Variants in PLEK observed in about 807,000 individuals in gnomAD.
PLEK encodes platelet 47 kDa protein.
A neutral mutation model predicts 43.9 loss-of-function variants in PLEK; 25 were observed. The observed-to-expected ratio is 0.57, with a 90% CI of 0.41 to 0.79. The LOEUF (loss-of-function observed/expected upper bound fraction) is 0.79. Among genes scored for constraint, PLEK ranks in the 30% least tolerant of loss-of-function variants. The pLI, the probability that PLEK is intolerant of heterozygous loss-of-function variation, is 0.00. For missense variants in PLEK, 396 were observed against 413.3 expected, an observed-to-expected ratio of 0.96 and a Z score of 0.36; for synonymous variants, 152 against 144.4, an observed-to-expected ratio of 1.05 and a Z score of -0.38.
At chr2:68,395,642 T>G (rs768051165) in intron 8 of PLEK, 38 bp from the exon 9 acceptor site, 102 of 1,613,166 alleles carry the variant, frequency 6.3e-5, no homozygotes, top group Non-Finnish European at 7.9e-5. Flanking sequence ...GTCTTTCTGA[T>G]GCCTGTGCGT....
intron 4 of PLEK, among the ~76,000 whole-genome samples, chr2:68,383,177 G>C (rs1376308583): frequency 6.6e-6 from 1 of 152,182 alleles, no homozygotes; most frequent in Non-Finnish European, 1.5e-5. Context: ...TAGCCTCTCT[G>C]TGCTTCACTT....
At position 68,382,577 on chromosome 2, in the gene PLEK, G is replaced by A. The variant is rs1391323712; in HGVS notation, c.416G>A (p.Gly139Glu). Residue 139 changes from glycine (G) to glutamate (E), a missense_variant, in exon 4 of 9, where the codon GGA becomes GAA. Transcript: ENST00000234313. The part of the protein sequence containing the change: ...LYLSMKDTEK[G>E]IKELNLEKDK... ...TTGTCCATGAAAGACACTGAAAAAG[G>A]AATAAAAGAACTGAATCTAGAGAAG... The A allele has an allele frequency of 6.2e-7, 1 of 1,602,964 alleles. No homozygotes were observed. The highest frequency in any genetic ancestry group is 1.7e-5 in the Admixed American group (1 of 59,980).
rs751425116 is a variant in PLEK, at chr2:68,382,545, C to T, written c.384C>T (p.Ala128=). 3.2e-6 allele frequency: 5 copies of T among 1,564,744 alleles called. No individual in the cohort carries two copies. The highest frequency in any genetic ancestry group is 4.4e-6 in the Non-Finnish European group (5 of 1,136,102). The change falls in exon 4 of 9, where the codon GCC becomes GCT. Residue 128 remains alanine (A), a synonymous_variant. Transcript: ENST00000234313. The stretch of plus-strand genomic sequence containing the variant: ...TTGCTTTTTTATCTCTGTGCAGTGC[C>T]TTATATTTGTCCATGAAAGACACTG... ...IRLPETIDLG[A]LYLSMKDTEK...
rs552075183 is a variant in PLEK, at chr2:68,392,177, T to C, written c.763-985T>C. 8.6e-4 allele frequency among the ~76,000 whole-genome samples: 126 copies of C among 147,100 alleles called. 4 individuals carry two copies. The South Asian group carries it at 0.021, about 24-fold the overall frequency. On this transcript the variant is annotated intron_variant, in intron 6 of 8. Coordinates refer to ENST00000234313, the MANE Select transcript of PLEK (RefSeq NM_002664.3). ...CTCCCCCTTTTCTCCTCCTCCTCCTTCTTCTTCTTCTTCTTTCTCCTCCTC... is the reference window on the plus strand; with the variant it reads ...CTCCCCCTTTTCTCCTCCTCCTCCTCCTTCTTCTTCTTCTTTCTCCTCCTC...
chr2:68,388,411 GA>G lies in PLEK; in HGVS notation c.683del (p.Glu228GlyfsTer8). On this transcript the variant is annotated frameshift_variant, in exon 6 of 9. Transcript: ENST00000234313. LOFTEE classifies it high-confidence loss of function. ...GCCAGACAGTGGGTTCTTCTGTGAA[GA>G]GAATTCCAGTGATGATGATGTGATT... is the stretch of plus-strand genomic sequence containing the variant. ...YFPDSGFFCEENSSDDDVILK... is the reference protein window; with the variant it reads ...YFPDSGFFCEXNSSDDDVILK... The G allele has an allele frequency of 6.2e-7, 1 of 1,609,778 alleles. No individual in the cohort carries two copies. The highest frequency in any genetic ancestry group is 8.5e-7 in the Non-Finnish European group (1 of 1,175,996).
At chr2:68,367,214 G>A (rs1673293369) in intron 1 of PLEK, among the ~76,000 whole-genome samples, 1 of 150,964 alleles carries the variant, frequency 6.6e-6, no homozygotes, top group Admixed American at 6.6e-5. Context: ...TTTTTCTCTG[G>A]GACCTTTTGA....
At chr2:68,383,106 C>T (rs1002544634) in intron 4 of PLEK, among the ~76,000 whole-genome samples, 32 of 152,156 alleles carry the variant, frequency 2.1e-4, no homozygotes, top group African/African-American at 7.0e-4. Flanking sequence ...TAGAGCCAGA[C>T]CACCTTGGTT....
In PLEK at chr2:68,365,555, G is replaced by A. The variant is rs891004756; in HGVS notation, c.42+162G>A. ...CACATAGAATGTTGGAGTGGGGTTA[G>A]GGGAGTGGGGATACTCATCCAGCCC... is the stretch of plus-strand genomic sequence containing the variant. On this transcript the variant is annotated intron_variant, in intron 1 of 8. Coordinates refer to ENST00000234313, the MANE Select transcript of PLEK (RefSeq NM_002664.3). The A allele has an allele frequency of 1.8e-5, 11 of 605,282 alleles. No individual in the cohort carries two copies. In the African/African-American group the frequency reaches 2.0e-4, roughly 11 times the overall value. The allele number at this position is 605,282 out of a possible 1,614,324, so 37.5% of individuals were successfully genotyped here.
intron 1 of PLEK, among the ~76,000 whole-genome samples, chr2:68,376,137 G>A (rs1207630067): frequency 6.6e-6 from 1 of 152,116 alleles, no homozygotes; most frequent in Non-Finnish European, 1.5e-5. Flanking sequence ...TTTGTCTATG[G>A]GAGACACGGC....
chr2:68,393,033 T>C (rs1673890722), intron 6 of PLEK, 129 bp from the exon 7 acceptor site: 1 of 725,846 alleles, frequency 1.4e-6, no homozygotes, highest in Non-Finnish European at 2.5e-6. Flanking sequence ...GATATTGTTA[T>C]CCTGGAGTTA....
chr2:68,368,256 A>AG (rs1490040839), intron 1 of PLEK, among the ~76,000 whole-genome samples: 3 of 152,200 alleles, frequency 2.0e-5, no homozygotes, highest in African/African-American at 4.8e-5. Flanking sequence ...CTTTCACCTT[A>AG]CTTTTTTGTT....
At chr2:68,393,398 T>C (rs1171394370) in intron 7 of PLEK, among the ~76,000 whole-genome samples, 153 bp downstream of exon 7, 3 of 152,128 alleles carry the variant, frequency 2.0e-5, no homozygotes, top group Admixed American at 6.6e-5. Flanking sequence ...CCTTTTTCTA[T>C]CCCCTTTCAA....
intron 1 of PLEK, among the ~76,000 whole-genome samples, chr2:68,372,040 G>A (rs1285888963): frequency 6.6e-6 from 1 of 152,142 alleles, no homozygotes; most frequent in East Asian, 1.9e-4. Context: ...AAAATTGGGA[G>A]TGTTGATATA....
intron 4 of PLEK, among the ~76,000 whole-genome samples, chr2:68,384,610 G>A (rs1338099663): frequency 3.9e-5 from 6 of 152,126 alleles, no homozygotes; most frequent in Non-Finnish European, 8.8e-5. Context: ...AGGTGGCCTC[G>A]GCTGGGAGAT....
At chr2:68,376,145 G>A (rs1045081592) in intron 1 of PLEK, among the ~76,000 whole-genome samples, 2 of 152,162 alleles carry the variant, frequency 1.3e-5, no homozygotes, top group African/African-American at 2.4e-5. Context: ...TGGGAGACAC[G>A]GCTGTTGGAT....
chr2:68,382,523 C>G lies in PLEK; in HGVS notation c.381-19C>G. On this transcript the variant is annotated intron_variant, in intron 3 of 8. Transcript: ENST00000234313. ...TTTTTTTTGTTTGTTTGTTTGTTTG[C>G]TTTTTTATCTCTGTGCAGTGCCTTA... The G allele has an allele frequency of 7.1e-7, 1 of 1,413,550 alleles. No homozygotes were observed. The highest frequency in any genetic ancestry group is 9.9e-7 in the Non-Finnish European group (1 of 1,012,196). The allele number at this position is 1,413,550 out of a possible 1,614,324, so 87.6% of individuals were successfully genotyped here. A position where few individuals can be genotyped will look rare whatever the true frequency, so the allele number is the denominator to read the frequency against.
intron 1 of PLEK, among the ~76,000 whole-genome samples, chr2:68,369,928 C>A (rs376308670): frequency 6.6e-6 from 1 of 152,172 alleles, no homozygotes. Context: ...AAAAAATATG[C>A]TACTGAATAG....
At chr2:68,380,971 TCCAAGGCTTGCTTTGACCACCTCTG>T in intron 3 of PLEK, 67 bp downstream of exon 3, 2 of 1,404,884 alleles carry the variant, frequency 1.4e-6, no homozygotes, top group Middle Eastern at 1.8e-4. Flanking sequence ...CAGATCCTGC[TCCAAGGCTTGCTTTGACCACCTCTG>T]ATGTTGTATC....
At position 68,388,199 on chromosome 2, in the gene PLEK, A is replaced by C; in HGVS notation, c.658-188A>C. On this transcript the variant is annotated intron_variant, in intron 5 of 8. Coordinates refer to ENST00000234313, the MANE Select transcript of PLEK (RefSeq NM_002664.3). Reference sequence around the variant, plus strand: ...GAGACAAGAAAGGAACAGCCCCGGAAGCAAGTAAAAGGAGGAGGAGAAACT... The same window carrying C: ...GAGACAAGAAAGGAACAGCCCCGGACGCAAGTAAAAGGAGGAGGAGAAACT... 5.7e-6 allele frequency: 3 copies of C among 527,822 alleles called. No homozygotes were observed. In the South Asian group the frequency reaches 7.9e-5, roughly 14 times the overall value. 32.7% of individuals were successfully genotyped at this position (527,822 alleles called of 1,614,324 possible).
Sources: gnomAD v4.1 joint callset for allele counts (sites outside exome capture counted in the v4.1 genomes callset) on GRCh38, gnomAD v4.1.1 for gene constraint, MANE v1.5 for transcripts, NCBI Gene and HGNC (gene_info 2026-07-23, HGNC 2026-07-21) for gene names.